The following KIF26A variants were observed in gnomAD, a reference collection of about 807,000 sequenced individuals.
KIF26A encodes kinesin family member 26A.
In KIF26A, 74 loss-of-function variants were observed where a neutral mutation model predicts 126.0. The observed-to-expected ratio is 0.59, with a 90% CI of 0.49 to 0.71. The LOEUF is 0.71. KIF26A is among the 30% of genes least tolerant of loss of function. The pLI is 0.00. For synonymous variants in KIF26A, 1,445 were observed against 1,232.7 expected (o/e 1.17, Z -3.61); for missense variants, 2,984 against 2,763.3 (o/e 1.08, Z -1.79).
chr14:104,177,912 T>G lies in KIF26A; in HGVS notation c.5110+14T>G. ...AGAGGGCCACAGGTGGGTGCAGAGGTGCACAGCCCTCTACAGTTTACGGGC... is the reference window on the plus strand; with the variant it reads ...AGAGGGCCACAGGTGGGTGCAGAGGGGCACAGCCCTCTACAGTTTACGGGC... On this transcript the variant is annotated intron_variant, in intron 12 of 14. Coordinates refer to ENST00000423312, the MANE Select transcript of KIF26A (RefSeq NM_015656.2). The G allele has an allele frequency of 6.7e-7, 1 of 1,498,268 alleles. No individual in the cohort carries two copies. The highest frequency in any genetic ancestry group is 8.8e-7 in the Non-Finnish European group (1 of 1,132,496). The allele number at this position is 1,498,268 out of a possible 1,614,324, so 92.8% of individuals were successfully genotyped here. A position where few individuals can be genotyped will look rare whatever the true frequency, so the allele number is the denominator to read the frequency against.
chr14:104,139,177 G>A lies in KIF26A; in HGVS notation c.177G>A (p.Glu59=), dbSNP rs766518331. 9.1e-6 allele frequency: 14 copies of A among 1,544,244 alleles called. No individual in the cohort carries two copies. The South Asian group carries it at 1.7e-4, about 19-fold the overall frequency. ...CCGAAGGCGCCGGGGCCGGCCCAGA[G>A]CAGGGCCACTCGGCCGGCGGAGGCG... ...PAPEGAGAGP[E]QGHSAGGGGW... Residue 59 remains glutamate (E), a synonymous_variant, in exon 2 of 15, where the codon GAG becomes GAA. Coordinates refer to ENST00000423312, the MANE Select transcript of KIF26A (RefSeq NM_015656.2).
chr14:104,176,935 C>T lies in KIF26A; in HGVS notation c.4147C>T (p.His1383Tyr), dbSNP rs1354960416. The T allele has an allele frequency of 2.6e-6, 4 of 1,536,386 alleles. No homozygotes were observed. In the South Asian group the frequency reaches 4.8e-5, roughly 18 times the overall value. Reference protein sequence around the residue: ...QRSSPASAPPHAVNPARVGAA... With the variant: ...QRSSPASAPPYAVNPARVGAA... ...GAGCAGCCCGGCCTCGGCCCCTCCGCATGCTGTGAACCCGGCGCGGGTCGG... is the reference window on the plus strand; with the variant it reads ...GAGCAGCCCGGCCTCGGCCCCTCCGTATGCTGTGAACCCGGCGCGGGTCGG... The change falls in exon 12 of 15, where the codon CAT (histidine) becomes TAT (tyrosine). Residue 1383 changes from histidine to tyrosine, a missense_variant. Physicochemically the swap from His to Tyr is moderately conservative, Grantham distance 83 (BLOSUM62 2). Transcript: ENST00000423312.
chr14:104,150,563 C>T (rs2037719717), intron 2 of KIF26A, among the ~76,000 whole-genome samples: 1 of 152,110 alleles, frequency 6.6e-6, no homozygotes, highest in Non-Finnish European at 1.5e-5. Context: ...GACAAGGGCC[C>T]AGCCAGCCAA....
Position 104,167,222 on chromosome 14 carries a change from G to A in KIF26A, c.1113+174G>A, listed in dbSNP as rs1400088118. ...CCAGGTGGCAGCAGGGAGCCTGGGA[G>A]CCTGTGCTGGGCTGGGACTGCCGGG... On this transcript the variant is annotated intron_variant, in intron 5 of 14. Coordinates refer to ENST00000423312, the MANE Select transcript of KIF26A (RefSeq NM_015656.2). 2.0e-5 allele frequency among the ~76,000 whole-genome samples: 3 copies of A among 152,158 alleles called. No homozygotes were observed. In the East Asian group the frequency reaches 5.8e-4, roughly 29 times the overall value.
At chr14:104,167,824 C>T (rs2037921439) in intron 5 of KIF26A, among the ~76,000 whole-genome samples, 1 of 152,190 alleles carries the variant, frequency 6.6e-6, no homozygotes, top group South Asian at 2.1e-4. Context: ...AGCCAGCCCC[C>T]TCCCGCCCAG....
rs147665842 is a variant in KIF26A, at chr14:104,153,862, G to C, written c.735+1401G>C. Among the ~76,000 whole-genome samples, 507 of 152,340 alleles carry C rather than the reference G, an allele frequency of 3.3e-3. 3 individuals carry two copies. Among genetic ancestry groups the C allele is most frequent in the African/African-American group, 0.012 (481 of 41,586 alleles). On this transcript the variant is annotated intron_variant, in intron 3 of 14. Transcript: ENST00000423312. ...CCGTGGCTGAGGGTCCCAGCGGGTG[G>C]GGGTGGAGAAGATCGCAGGCCCCTT...
intron 2 of KIF26A, among the ~76,000 whole-genome samples, chr14:104,139,671 C>T (rs1398734638): frequency 1.3e-5 from 2 of 152,178 alleles, no homozygotes; most frequent in Non-Finnish European, 2.9e-5. Context: ...TGCATTGTGG[C>T]CCTTGGGGCA....
At chr14:104,139,604 G>C (rs754119469) in intron 2 of KIF26A, among the ~76,000 whole-genome samples, 1 of 152,188 alleles carries the variant, frequency 6.6e-6, no homozygotes, top group Non-Finnish European at 1.5e-5. Flanking sequence ...GCGGATGGCA[G>C]GGACTCCACC....
intron 13 of KIF26A, 35 bp downstream of exon 13, chr14:104,178,790 T>A: frequency 8.1e-7 from 1 of 1,229,778 alleles, no homozygotes; most frequent in Non-Finnish European, 1.1e-6. Flanking sequence ...CTATGACCCC[T>A]GGTGGGGAGC....
intron 2 of KIF26A, among the ~76,000 whole-genome samples, chr14:104,147,832 G>T (rs1019970985): frequency 1.3e-5 from 2 of 152,230 alleles, no homozygotes; most frequent in Non-Finnish European, 2.9e-5. Flanking sequence ...GCCCGCACAC[G>T]CATGCCTCAC....
chr14:104,139,380 C>T (rs2037615169), intron 2 of KIF26A, 92 bp downstream of exon 2: 2 of 1,305,986 alleles, frequency 1.5e-6, no homozygotes, highest in South Asian at 2.0e-5. Context: ...GGGTTCCACT[C>T]CTTCCCTGCT....
Position 104,167,009 on chromosome 14 carries a change from C to G in KIF26A, c.1074C>G (p.Ala358=). ...CGGCGCCCCCCTGCCTGCTCAGGGC[C>G]GCCTCCAAGACCAAGGACAACCCTG... ...PPPAPPCLLR[A]ASKTKDNPGS... is the part of the protein sequence containing the mutation. The change falls in exon 5 of 15, where the codon GCC becomes GCG. Residue 358 remains alanine, a synonymous_variant. Coordinates refer to ENST00000423312, the MANE Select transcript of KIF26A (RefSeq NM_015656.2). 1 of 1,580,850 alleles carries G rather than the reference C, an allele frequency of 6.3e-7. No individual in the cohort carries two copies. The highest frequency in any genetic ancestry group is 8.6e-7 in the Non-Finnish European group (1 of 1,164,636).
At chr14:104,159,583 C>T (rs897477924) in intron 4 of KIF26A, among the ~76,000 whole-genome samples, 21 of 152,240 alleles carry the variant, frequency 1.4e-4, no homozygotes, top group Admixed American at 5.9e-4. Flanking sequence ...GCTTGCCAGC[C>T]GCGCTGCCTG....
At chr14:104,156,128 G>T (rs920498489) in intron 3 of KIF26A, among the ~76,000 whole-genome samples, 1 of 152,240 alleles carries the variant, frequency 6.6e-6, no homozygotes, top group South Asian at 2.1e-4. Context: ...ATGCCCAGGG[G>T]TGCTCAACCA....
At chr14:104,165,671 C>T (rs1170868081) in intron 4 of KIF26A, among the ~76,000 whole-genome samples, 1 of 148,554 alleles carries the variant, frequency 6.7e-6, no homozygotes, top group African/African-American at 2.6e-5. Flanking sequence ...ATCTGTGTTT[C>T]TGTATGCATA....
chr14:104,144,817 G>A (rs757499103), intron 2 of KIF26A, among the ~76,000 whole-genome samples: 3 of 152,264 alleles, frequency 2.0e-5, no homozygotes, highest in Non-Finnish European at 2.9e-5. Flanking sequence ...GCAAGACAGT[G>A]TGGGCTATGA....
chr14:104,165,163 C>G (rs1449249771), intron 4 of KIF26A, among the ~76,000 whole-genome samples: 17 of 150,170 alleles, frequency 1.1e-4, no homozygotes, highest in Admixed American at 1.1e-3. Flanking sequence ...ATGTGTGTAT[C>G]TCTATGCATG....
chr14:104,169,615 A>G (rs1412549862), intron 5 of KIF26A, among the ~76,000 whole-genome samples: 1 of 152,226 alleles, frequency 6.6e-6, no homozygotes, highest in Non-Finnish European at 1.5e-5. Flanking sequence ...AAAGGCGTTT[A>G]ATATTGTCAC....
chr14:104,168,624 T>G (rs942816282), intron 5 of KIF26A, among the ~76,000 whole-genome samples: 3 of 152,170 alleles, frequency 2.0e-5, no homozygotes, highest in Non-Finnish European at 4.4e-5. Flanking sequence ...TCTCCCTGAC[T>G]CTGGGTCTCC....
Sources: allele counts gnomAD v4.1 joint callset (sites outside exome capture counted in the v4.1 genomes callset), GRCh38; gene constraint gnomAD v4.1.1; transcripts MANE v1.5; gene names NCBI Gene and HGNC (gene_info 2026-07-23, HGNC 2026-07-21).